LYST: variants seen among roughly 807,000 people sequenced by gnomAD.
LYST encodes lysosomal trafficking regulator.
Under a neutral mutation model 413.6 loss-of-function variants are expected in LYST, and 192 were observed. That is an observed-to-expected ratio of 0.46 (90% confidence interval 0.41 to 0.52). The LOEUF (loss-of-function observed/expected upper bound fraction) is 0.52, where lower values mean the gene tolerates loss of function less well. Ranked by LOEUF, LYST falls within the 20% of genes least tolerant of loss-of-function variation. The pLI is 0.00. For synonymous variants in LYST, 1,525 were observed against 1,567.3 expected (o/e 0.97, Z 0.64); for missense variants, 3,815 against 4,499.9 (o/e 0.85, Z 4.35).
At chr1:235,842,081 A>C (rs926441570) in intron 1 of LYST, among the ~76,000 whole-genome samples, 1 of 152,130 alleles carries the variant, frequency 6.6e-6, no homozygotes, top group Admixed American at 6.6e-5. Flanking sequence ...AATAATAGAC[A>C]GTGCAGACTG....
intron 31 of LYST, chr1:235,737,916 A>AAAGAGGAT: frequency 2.6e-6 from 3 of 1,163,404 alleles, no homozygotes; most frequent in Non-Finnish European, 3.2e-6. Context: ...GCTGCCGACG[A>AAAGAGGAT]GTCTGGATCT....
intron 3 of LYST, among the ~76,000 whole-genome samples, chr1:235,819,541 G>A (rs1394136282): frequency 6.6e-6 from 1 of 152,146 alleles, no homozygotes; most frequent in African/African-American, 2.4e-5. Context: ...AGTTCCCAAT[G>A]TGCCATATTA....
At chr1:235,867,491 C>G (rs955860291), upstream of LYST, among the ~76,000 whole-genome samples, 1 of 151,976 alleles carries the variant, frequency 6.6e-6, no homozygotes, top group Non-Finnish European at 1.5e-5. Flanking sequence ...ACAAAAAGAG[C>G]TTTGCAAAGC....
Position 235,806,024 on chromosome 1 carries a change from A to C in LYST, c.3112T>G (p.Leu1038Val), listed in dbSNP as rs2102860992. 1 of 1,613,916 alleles carries C rather than the reference A, an allele frequency of 6.2e-7. No individual in the cohort carries two copies. The highest frequency in any genetic ancestry group is 8.5e-7 in the Non-Finnish European group (1 of 1,179,930). ...TCACTTTTTATAGCCAAAGATAATAAATCTTCCTTCATAGTTCTCTTAGGT... is the reference window on the plus strand; with the variant it reads ...TCACTTTTTATAGCCAAAGATAATACATCTTCCTTCATAGTTCTCTTAGGT... ...SQPKRTMKED[L>V]LSLAIKSDPI... Residue 1038 changes from leucine to valine, a missense_variant, in exon 6 of 53, where the codon TTA (leucine) becomes GTA (valine). Physicochemically the swap from Leu to Val is conservative, Grantham distance 32. This residue lies in a region of LYST where 1,648 missense variants were observed against 1,810.3 expected (regional missense o/e 0.91). Coordinates refer to ENST00000389793, the MANE Select transcript of LYST (RefSeq NM_000081.4).
At chr1:235,706,592 TTTTC>T (rs1275541952) in intron 44 of LYST, among the ~76,000 whole-genome samples, 1 of 152,154 alleles carries the variant, frequency 6.6e-6, no homozygotes, top group African/African-American at 2.4e-5. Context: ...GGGTTTTTGT[TTTTC>T]TTTGTTTTTG....
At chr1:235,734,427 C>T in intron 32 of LYST, 56 bp downstream of exon 32, 2 of 1,366,492 alleles carry the variant, frequency 1.5e-6, no homozygotes, top group Non-Finnish European at 2.1e-6. Flanking sequence ...TAGTGTCAAT[C>T]ATTCTTTATC....
intron 48 of LYST, among the ~76,000 whole-genome samples, chr1:235,683,779 A>G (rs987763799): frequency 3.9e-5 from 6 of 152,354 alleles, no homozygotes; most frequent in East Asian, 3.9e-4. Context: ...GCTGAAGAAC[A>G]GAAACCAGTG....
chr1:235,845,649 A>T (rs1377322085), intron 1 of LYST, among the ~76,000 whole-genome samples: 2 of 147,160 alleles, frequency 1.4e-5, no homozygotes, highest in African/African-American at 5.1e-5. Context: ...GTTAGGGGGG[A>T]CACGGTGGGA....
rs1386715491 is a variant in LYST at position 235,752,053 on chromosome 1, T to A, written c.7579A>T (p.Ile2527Phe). The change falls in exon 27 of 53, where the codon ATT becomes TTT. Residue 2527 changes from isoleucine (I) to phenylalanine (F), a missense_variant. By Grantham distance (21) the Ile-to-Phe change is conservative. Around this residue, in one of 4 missense-constraint regions of LYST, gnomAD observed 771 missense variants for 837.1 expected, o/e 0.92. Coordinates refer to ENST00000389793, the MANE Select transcript of LYST (RefSeq NM_000081.4). Reference protein sequence around the residue: ...SQYFRVIEDLIVMLGYLQNSK... With the variant: ...SQYFRVIEDLFVMLGYLQNSK... ...TTTTGAAGATATCCAAGCATTACAA[T>A]AAGGTCTTCAATAACCCTAAAATAT... is the stretch of plus-strand genomic sequence containing the variant. The A allele has an allele frequency of 6.2e-7, 1 of 1,610,524 alleles. No homozygotes were observed. The highest frequency in any genetic ancestry group is 8.5e-7 in the Non-Finnish European group (1 of 1,177,302).
intron 52 of LYST, among the ~76,000 whole-genome samples, chr1:235,663,647 A>G (rs1388759994): frequency 1.3e-5 from 2 of 152,228 alleles, no homozygotes; most frequent in Non-Finnish European, 2.9e-5. Context: ...CTGATTATTT[A>G]TCTATTTTGT....
At chr1:235,702,187 T>C (rs1661604763) in intron 45 of LYST, among the ~76,000 whole-genome samples, 1 of 152,250 alleles carries the variant, frequency 6.6e-6, no homozygotes, top group South Asian at 2.1e-4. Flanking sequence ...CCACTTTAGC[T>C]TTAAGGCTTG....
intron 1 of LYST, among the ~76,000 whole-genome samples, chr1:235,835,457 C>T (rs539306656): frequency 2.0e-5 from 3 of 152,284 alleles, no homozygotes; most frequent in South Asian, 2.1e-4. Flanking sequence ...CAGCTAGATC[C>T]GTCTGTTTCT....
chr1:235,731,263 TAA>T, intron 34 of LYST, 86 bp from the exon 35 acceptor site: 1 of 1,163,554 alleles, frequency 8.6e-7, no homozygotes, highest in Non-Finnish European at 1.3e-6. Flanking sequence ...ATTGAGTAAG[TAA>T]GTCACAACTG....
At chr1:235,857,299 T>C (rs955147331) in intron 1 of LYST, among the ~76,000 whole-genome samples, 11 of 152,110 alleles carry the variant, frequency 7.2e-5, no homozygotes, top group Admixed American at 5.9e-4. Context: ...AGCCCTCAAC[T>C]AGATGGGCAT....
intron 3 of LYST, among the ~76,000 whole-genome samples, chr1:235,823,651 G>T (rs74148833): frequency 0.059 from 8,987 of 152,256 alleles, 895 homozygotes; most frequent in African/African-American, 0.2. Flanking sequence ...TTCAGCCTTC[G>T]CTGTAACTTC....
At chr1:235,746,042 G>A (rs1665890989) in intron 29 of LYST, among the ~76,000 whole-genome samples, 1 of 152,136 alleles carries the variant, frequency 6.6e-6, no homozygotes, top group African/African-American at 2.4e-5. Flanking sequence ...AGGGTACACA[G>A]GGTCTCTCTC....
rs7541853 is a variant in LYST at position 235,820,046 on chromosome 1, T to C, written c.193-6985A>G. 6.4e-3 allele frequency among the ~76,000 whole-genome samples: 972 copies of C among 152,334 alleles called. 8 individuals carry two copies. Among genetic ancestry groups the C allele is most frequent in the African/African-American group, 0.022 (925 of 41,574 alleles). On this transcript the variant is annotated intron_variant, in intron 3 of 52. Coordinates refer to ENST00000389793, the MANE Select transcript of LYST (RefSeq NM_000081.4). ...ACAACAAACAGTAAAGTAACTTTCA[T>C]TGAGGTATTTTTCCATTCAAGAAAC...
In LYST at chr1:235,669,873, T is replaced by C. The variant is rs188386169; in HGVS notation, c.11039-5252A>G. Among the ~76,000 whole-genome samples the C allele has an allele frequency of 3.2e-3, 488 of 152,310 alleles. 2 individuals carry two copies. The highest frequency in any genetic ancestry group is 1.0e-2 in the African/African-American group (414 of 41,570). ...CAAAACACCAAGAACCTGGACAACT[T>C]GCAGTCAACACCCTCTACCAGTGAC... On this transcript the variant is annotated intron_variant, in intron 50 of 52. Coordinates refer to ENST00000389793, the MANE Select transcript of LYST (RefSeq NM_000081.4).
intron 50 of LYST, among the ~76,000 whole-genome samples, chr1:235,673,433 A>G (rs751124526): frequency 7.2e-4 from 109 of 152,106 alleles, no homozygotes; most frequent in Admixed American, 1.8e-3. Flanking sequence ...TGGGGAGATC[A>G]GCACTCTCTC....
Sources: gnomAD v4.1 joint callset for allele counts (sites outside exome capture counted in the v4.1 genomes callset) on GRCh38, gnomAD v4.1.1 for gene constraint, gnomAD v4.1.1 regional missense constraint, MANE v1.5 for transcripts, NCBI Gene and HGNC (gene_info 2026-07-23, HGNC 2026-07-21) for gene names.